USH2A: variants seen among roughly 807,000 people sequenced by gnomAD.
USH2A encodes the protein Usher syndrome 2A (autosomal recessive, mild).
Under a neutral mutation model 538.9 loss-of-function variants are expected in USH2A, and 443 were observed. The ratio of observed to expected loss-of-function variants is 0.82; its 90% CI spans 0.76 to 0.89. The LOEUF (loss-of-function observed/expected upper bound fraction) is 0.89. USH2A is among the 40% of genes least tolerant of loss of function. USH2A has a pLI of 0.00. For synonymous variants in USH2A, 2,413 were observed against 2,273.5 expected (o/e 1.06, Z -1.75); for missense variants, 6,633 against 6,324.8 (o/e 1.05, Z -1.65).
At chr1:216,259,335 C>G (rs1218609241) in intron 11 of USH2A, among the ~76,000 whole-genome samples, 1 of 152,090 alleles carries the variant, frequency 6.6e-6, no homozygotes, top group East Asian at 1.9e-4. Context: ...GTAGTAACTA[C>G]TCAAATAACT....
chr1:215,748,806 G>C (rs907111650), intron 58 of USH2A, among the ~76,000 whole-genome samples: 1 of 152,086 alleles, frequency 6.6e-6, no homozygotes, highest in African/African-American at 2.4e-5. Flanking sequence ...AGAGTTGTGA[G>C]GATTAAATTA....
chr1:216,372,554 C>T lies in USH2A; in HGVS notation c.652-7469G>A, dbSNP rs148430102. 6.8e-3 allele frequency among the ~76,000 whole-genome samples: 1,037 copies of T among 152,218 alleles called. 14 individuals are homozygous for T. The highest frequency in any genetic ancestry group is 0.024 in the African/African-American group (981 of 41,530). On this transcript the variant is annotated intron_variant, in intron 3 of 71. Transcript: ENST00000307340. ...ATTTAATTGATCTTTAAAAATTTAA[C>T]ATAGGAATGCAAGTAGATTTTTTTT...
chr1:215,955,415 C>G (rs547928587), intron 37 of USH2A, among the ~76,000 whole-genome samples: 1 of 152,130 alleles, frequency 6.6e-6, no homozygotes, highest in East Asian at 1.9e-4. Flanking sequence ...AATTTCTCTA[C>G]TCAACTCCAG....
At chr1:216,283,882 G>T (rs976559212) in intron 11 of USH2A, among the ~76,000 whole-genome samples, 1 of 152,026 alleles carries the variant, frequency 6.6e-6, no homozygotes, top group African/African-American at 2.4e-5. Flanking sequence ...GGTTATGAAT[G>T]GTAATGTTTT....
At chr1:215,924,978 A>C (rs2102491560) in intron 38 of USH2A, among the ~76,000 whole-genome samples, 1 of 152,178 alleles carries the variant, frequency 6.6e-6, no homozygotes, top group South Asian at 2.1e-4. Context: ...ATAGCTCAGA[A>C]GTTAGTCTTT....
rs529044496 is a variant in USH2A, at chr1:215,818,541, A to G, written c.9372-1346T>C. 8.7e-4 allele frequency among the ~76,000 whole-genome samples: 132 copies of G among 151,940 alleles called. 1 individual carries two copies. Among genetic ancestry groups the G allele is most frequent in the Admixed American group, 2.3e-3 (35 of 15,186 alleles). On this transcript the variant is annotated intron_variant, in intron 47 of 71. Coordinates refer to ENST00000307340, the MANE Select transcript of USH2A (RefSeq NM_206933.4). Reference sequence around the variant, plus strand: ...GAAAATGTTTGATTTTAAAAAATTGAGTGATAATTTCAATTTAAACCCAAG... The same window carrying G: ...GAAAATGTTTGATTTTAAAAAATTGGGTGATAATTTCAATTTAAACCCAAG...
At chr1:215,952,129 G>T (rs1178896943) in intron 37 of USH2A, among the ~76,000 whole-genome samples, 1 of 152,150 alleles carries the variant, frequency 6.6e-6, no homozygotes, top group African/African-American at 2.4e-5. Flanking sequence ...CTCCCAAAGT[G>T]CTGGGATTAC....
chr1:216,416,307 C>T, intron 3 of USH2A, among the ~76,000 whole-genome samples: 1 of 152,138 alleles, frequency 6.6e-6, no homozygotes, highest in East Asian at 1.9e-4. Context: ...TTGAATAAAT[C>T]CAGATTCCCA....
chr1:215,905,944 A>G (rs1436214380), intron 38 of USH2A, among the ~76,000 whole-genome samples: 1 of 152,138 alleles, frequency 6.6e-6, no homozygotes, highest in Non-Finnish European at 1.5e-5. Context: ...TCCTTGGATT[A>G]CACATTTCTT....
chr1:216,195,231 G>C (rs1281753489), intron 19 of USH2A, among the ~76,000 whole-genome samples: 1 of 152,086 alleles, frequency 6.6e-6, no homozygotes, highest in African/African-American at 2.4e-5. Context: ...GGATGTCTGA[G>C]ATTGGGTATA....
chr1:216,104,717 C>G (rs1227088972), intron 21 of USH2A, among the ~76,000 whole-genome samples: 1 of 152,026 alleles, frequency 6.6e-6, no homozygotes, highest in Non-Finnish European at 1.5e-5. Context: ...GCATAAAAAC[C>G]CTAGAAGAAA....
At chr1:215,716,505 C>T (rs1408234091) in intron 61 of USH2A, among the ~76,000 whole-genome samples, 2 of 152,164 alleles carry the variant, frequency 1.3e-5, no homozygotes, top group Non-Finnish European at 2.9e-5. Flanking sequence ...TTAGTAATTG[C>T]TTTAGCAAAA....
chr1:215,676,305 A>G (rs1658024459), intron 62 of USH2A, among the ~76,000 whole-genome samples: 1 of 152,148 alleles, frequency 6.6e-6, no homozygotes, highest in Non-Finnish European at 1.5e-5. Context: ...TTTGTTCTGG[A>G]AAAAAACATC....
At chr1:215,912,479 A>ATATATATATG (rs1558157904) in intron 38 of USH2A, among the ~76,000 whole-genome samples, 1 of 31,762 alleles carries the variant, frequency 3.1e-5, no homozygotes, top group Admixed American at 3.8e-4. Context: ...ATATATACGT[A>ATATATATATG]TATATATATA....
At chr1:216,128,999 T>G (rs953240376) in intron 21 of USH2A, among the ~76,000 whole-genome samples, 1 of 152,114 alleles carries the variant, frequency 6.6e-6, no homozygotes, top group Non-Finnish European at 1.5e-5. Context: ...AGGGAGAACA[T>G]GCAATATGTG....
At position 215,867,054 on chromosome 1, in the gene USH2A, G is replaced by A. The variant is rs780358747; in HGVS notation, c.8798C>T (p.Ala2933Val). 9 of 1,614,024 alleles carry A rather than the reference G, an allele frequency of 5.6e-6. No individual in the cohort carries two copies. Among genetic ancestry groups the A allele is most frequent in the East Asian group, 2.2e-5 (1 of 44,890 alleles). Residue 2933 changes from alanine (A) to valine (V), a missense_variant, in exon 44 of 72, where the codon GCG (alanine) becomes GTG (valine). Transcript: ENST00000307340. The stretch of plus-strand genomic sequence containing the variant: ...GATGGCTGTGTGGTTAAGGACACTC[G>A]CAGTGAGATTGGCTCCTCTCTCTGG... ...GLPERGANLT[A>V]SVLNHTAIDV... is the part of the protein sequence containing the mutation.
intron 2 of USH2A, among the ~76,000 whole-genome samples, chr1:216,420,922 C>T (rs542174091): frequency 3.3e-5 from 5 of 152,260 alleles, no homozygotes; most frequent in African/African-American, 1.2e-4. Context: ...AGATTGTAAT[C>T]CTTTTCTGGT....
chr1:215,802,170 G>A (rs114416349), intron 49 of USH2A, among the ~76,000 whole-genome samples: 36 of 152,018 alleles, frequency 2.4e-4, no homozygotes, highest in Non-Finnish European at 4.4e-4. Context: ...ACAATTCTTA[G>A]ACGAAAGCAA....
intron 67 of USH2A, 36 bp downstream of exon 67, chr1:215,647,486 T>A (rs1656890132): frequency 5.0e-6 from 8 of 1,612,140 alleles, no homozygotes; most frequent in Non-Finnish European, 6.8e-6. Context: ...CACATTCCAA[T>A]CTCTCTGGCT....
Sources: gnomAD v4.1 joint callset for allele counts (sites outside exome capture counted in the v4.1 genomes callset) on GRCh38, gnomAD v4.1.1 for gene constraint, MANE v1.5 for transcripts, NCBI Gene and HGNC (gene_info 2026-07-23, HGNC 2026-07-21) for gene names.